The following SERHL2 variants were observed in gnomAD, a reference collection of about 807,000 sequenced individuals.
SERHL2 encodes the protein serine hydrolase like 2.
SERHL2 carries 29 observed loss-of-function variants against 25.5 expected under a neutral mutation model. That is an observed-to-expected ratio of 1.14 (90% CI 0.85 to 1.55). The LOEUF is 1.55. Ranked by LOEUF, SERHL2 falls within the 40% of genes most tolerant of loss-of-function variation. The pLI, the probability that SERHL2 is intolerant of heterozygous loss-of-function variation, is 0.00. For missense variants in SERHL2, 240 were observed against 252.3 expected (o/e 0.95, Z 0.33); for synonymous variants, 95 against 103.5 (o/e 0.92, Z 0.50).
chr22:42,562,321 T>A (rs1360008425), intron 8 of SERHL2, among the ~76,000 whole-genome samples: 1 of 151,826 alleles, frequency 6.6e-6, no homozygotes, highest in East Asian at 1.9e-4. Flanking sequence ...CCAACCTGAT[T>A]CCTCCAGAAT....
At position 42,571,061 on chromosome 22, in the gene SERHL2, C is replaced by T. The variant is rs1289729295; in HGVS notation, c.649-60C>T. The T allele has an allele frequency of 8.1e-6, 13 of 1,609,580 alleles. 1 individual carries two copies. The highest frequency in any genetic ancestry group is 2.2e-5 in the East Asian group (1 of 44,794). On this transcript the variant is annotated intron_variant, in intron 9 of 11. Transcript: ENST00000327678. ...TAGCCACCCCAACAGAGATGGGTTT[C>T]GTGCCCACGAGAGTGCCTGTGCCTT...
intron 8 of SERHL2, among the ~76,000 whole-genome samples, chr22:42,561,993 C>T (rs1239744890): frequency 6.6e-6 from 1 of 151,742 alleles, no homozygotes; most frequent in Non-Finnish European, 1.5e-5. Context: ...ATGCAGGATG[C>T]TGACCAGGCA....
At chr22:42,565,794 G>A (rs1377879634) in intron 8 of SERHL2, among the ~76,000 whole-genome samples, 1 of 151,726 alleles carries the variant, frequency 6.6e-6, no homozygotes, top group Non-Finnish European at 1.5e-5. Context: ...GAATCAGGTG[G>A]TTTAGGCCCC....
Position 42,572,539 on chromosome 22 carries a change from G to A in SERHL2, c.825+10G>A, listed in dbSNP as rs372517988. The A allele has an allele frequency of 6.2e-7, 1 of 1,610,856 alleles. No homozygotes were observed. Among genetic ancestry groups the A allele is most frequent in the Admixed American group, 1.7e-5 (1 of 59,922 alleles). On this transcript the variant is annotated intron_variant, in intron 11 of 11. Coordinates refer to ENST00000327678, the MANE Select transcript of SERHL2 (RefSeq NM_014509.5). ...ATCCACCCTCAAAGAGGTAAGACGG[G>A]GCTCAGGCAGCTGGTGTCCAGCCAC...
chr22:42,567,622 C>T (rs1387607050), intron 9 of SERHL2, among the ~76,000 whole-genome samples: 1 of 151,512 alleles, frequency 6.6e-6, no homozygotes, highest in Non-Finnish European at 1.5e-5. Flanking sequence ...CGAGATTGCG[C>T]CACTGCAGTT....
chr22:42,556,763 C>T, intron 6 of SERHL2, 175 bp downstream of exon 6: 1 of 852,850 alleles, frequency 1.2e-6, no homozygotes, highest in Non-Finnish European at 1.6e-6. Flanking sequence ...CTGCTTATAC[C>T]CCTAGCAGTG....
chr22:42,572,661 T>G (rs1169481495), intron 11 of SERHL2, 132 bp downstream of exon 11: 4 of 1,435,168 alleles, frequency 2.8e-6, no homozygotes, highest in African/African-American at 2.9e-5. Context: ...CCAGGATCTA[T>G]CAGGCCTCAT....
intron 9 of SERHL2, among the ~76,000 whole-genome samples, chr22:42,570,914 A>G (rs137045): frequency 0.16 from 24,998 of 151,726 alleles, 2,877 homozygotes; most frequent in African/African-American, 0.32. Flanking sequence ...AAGAAGGGAG[A>G]ACAGACTTGG....
intron 8 of SERHL2, chr22:42,563,420 T>C: frequency 2.3e-6 from 1 of 442,028 alleles, no homozygotes; most frequent in Non-Finnish European, 4.5e-6. Context: ...CCCAGGCTGG[T>C]CTCGAACTCC....
rs1383659244 is a variant in SERHL2, at chr22:42,555,357, AGT to A, written c.286+17_286+18del. The A allele has an allele frequency of 8.1e-5, 16 of 196,784 alleles. No homozygotes were observed. Among genetic ancestry groups the A allele is most frequent in the Admixed American group, 2.2e-4 (2 of 9,278 alleles). 12.2% of individuals were successfully genotyped at this position (196,784 alleles called of 1,614,324 possible). ...AAGAGTTGTGGCAGGTAAGAAACAG[AGT>A]GTGTATTTTCGGCGGTGTGGGGGGT... On this transcript the variant is annotated intron_variant, in intron 3 of 11. Transcript: ENST00000327678.
Position 42,571,510 on chromosome 22 carries a change from C to G in SERHL2, c.731+307C>G, listed in dbSNP as rs1296893656. The G allele has an allele frequency of 5.1e-6, 6 of 1,180,296 alleles. No homozygotes were observed. In the Admixed American group the frequency reaches 1.1e-4, roughly 21 times the overall value. The allele number at this position is 1,180,296 out of a possible 1,614,324, so 73.1% of individuals were successfully genotyped here. A position where few individuals can be genotyped will look rare whatever the true frequency, so the allele number is the denominator to read the frequency against. On this transcript the variant is annotated intron_variant, in intron 10 of 11. Coordinates refer to ENST00000327678, the MANE Select transcript of SERHL2 (RefSeq NM_014509.5). ...GCCCAGTCTCGGCTGACTGCAACCT[C>G]TGTCTCCTGGATTCAAACGATTCTC...
intron 8 of SERHL2, among the ~76,000 whole-genome samples, chr22:42,561,523 C>T (rs990086297): frequency 6.6e-6 from 1 of 151,462 alleles, no homozygotes; most frequent in Non-Finnish European, 1.5e-5. Flanking sequence ...AGGGTGCAGG[C>T]CGGGAGGGAG....
chr22:42,564,567 G>A (rs1001899017), intron 8 of SERHL2, among the ~76,000 whole-genome samples: 4 of 151,592 alleles, frequency 2.6e-5, no homozygotes, highest in African/African-American at 9.7e-5. Context: ...AAGTAGCTGG[G>A]ATTACAGGTG....
At chr22:42,565,984 T>A (rs1309566707) in intron 8 of SERHL2, among the ~76,000 whole-genome samples, 6 of 152,006 alleles carry the variant, frequency 3.9e-5, no homozygotes, top group Non-Finnish European at 7.4e-5. Context: ...ACTAAAGGAA[T>A]GAATGAGTTT....
intron 11 of SERHL2, chr22:42,573,263 A>AGAT (rs1352759134): frequency 9.3e-6 from 1 of 107,134 alleles, no homozygotes; most frequent in African/African-American, 4.1e-5. Context: ...TTTTTTTTTG[A>AGAT]GATGGAGTGT....
rs150062131 is a variant in SERHL2, at chr22:42,559,267, G to A, written c.533+810G>A. On this transcript the variant is annotated intron_variant, in intron 7 of 11. Transcript: ENST00000327678. ...AAAAAAAAAAAAAAATTAGCTGGTC[G>A]TGGTGGCACACGCCTGTGGTCCCAG... Among the ~76,000 whole-genome samples the A allele has an allele frequency of 3.9e-3, 493 of 126,848 alleles. 4 individuals carry two copies. The highest frequency in any genetic ancestry group is 5.1e-3 in the Non-Finnish European group (323 of 63,066). 83.2% of individuals were successfully genotyped at this position (126,848 alleles called of 152,430 possible).
At chr22:42,566,472 C>A in intron 9 of SERHL2, 134 bp downstream of exon 9, 1 of 797,110 alleles carries the variant, frequency 1.3e-6, no homozygotes, top group South Asian at 1.5e-5. Flanking sequence ...GCAGGACAAT[C>A]GCTTGAATGG....
chr22:42,570,718 G>A (rs912996269), intron 9 of SERHL2, among the ~76,000 whole-genome samples: 1 of 152,188 alleles, frequency 6.6e-6, no homozygotes, highest in Non-Finnish European at 1.5e-5. Context: ...CCTGTCCCAG[G>A]CTGGCAGGGG....
chr22:42,553,962 C>A lies in SERHL2; in HGVS notation c.-59C>A. On this transcript the variant is annotated 5_prime_UTR_variant, in exon 1 of 12. Coordinates refer to ENST00000327678, the MANE Select transcript of SERHL2 (RefSeq NM_014509.5). ...GCCCGGAATTGCGGGCGTCACTCTG[C>A]TCCTGCGACCTAGCCAGGCGTGAGG... is the stretch of plus-strand genomic sequence containing the variant. 2 of 1,605,084 alleles carry A rather than the reference C, an allele frequency of 1.2e-6. No homozygotes were observed. The highest frequency in any genetic ancestry group is 1.7e-6 in the Non-Finnish European group (2 of 1,173,570).
Sources: allele counts gnomAD v4.1 joint callset (sites outside exome capture counted in the v4.1 genomes callset), GRCh38; gene constraint gnomAD v4.1.1; transcripts MANE v1.5; gene names NCBI Gene and HGNC (gene_info 2026-07-23, HGNC 2026-07-21).